Variants in SLC6A17 observed in about 807,000 individuals in gnomAD.
SLC6A17 encodes solute carrier family 6 member 17.
In SLC6A17, 21 loss-of-function variants were observed where a neutral mutation model predicts 64.5. The ratio of observed to expected loss-of-function variants is 0.33; its 90% CI spans 0.23 to 0.47. The LOEUF (loss-of-function observed/expected upper bound fraction) is 0.47, where lower values mean the gene tolerates loss of function less well. SLC6A17 is among the 20% of genes least tolerant of loss of function. SLC6A17 has a pLI of 1.00. For synonymous variants in SLC6A17, 372 were observed against 399.5 expected (o/e 0.93, Z 0.82); for missense variants, 682 against 963.2 (o/e 0.71, Z 3.86).
rs974881438 is a variant in SLC6A17 at position 110,200,556 on chromosome 1, T to C, written c.*2112T>C. 7.8e-5 allele frequency: 12 copies of C among 154,092 alleles called. 1 individual carries two copies. The highest frequency in any genetic ancestry group is 6.6e-3 in the Middle Eastern group (2 of 302). 9.5% of individuals were successfully genotyped at this position (154,092 alleles called of 1,614,324 possible). A position where few individuals can be genotyped will look rare whatever the true frequency, so the allele number is the denominator to read the frequency against. On this transcript the variant is annotated 3_prime_UTR_variant, in exon 12 of 12. Coordinates refer to ENST00000331565, the MANE Select transcript of SLC6A17 (RefSeq NM_001010898.4). ...CTGTTAAATGACAAACCCAATATTA[T>C]ACTGTGGCTGGTGGACTATTTTCAT...
chr1:110,192,571 A>G lies in SLC6A17; in HGVS notation c.1172A>G (p.His391Arg), dbSNP rs1209707679. 6.2e-7 allele frequency: 1 copy of G among 1,613,946 alleles called. No individual in the cohort carries two copies. Among genetic ancestry groups the G allele is most frequent in the Non-Finnish European group, 8.5e-7 (1 of 1,179,992 alleles). Reference sequence around the variant, plus strand: ...CTGAGCCGGGACCTCATCCCACCCCACGTCAACTTCTCCCACCTGACCACA... The same window carrying G: ...CTGAGCCGGGACCTCATCCCACCCCGCGTCAACTTCTCCCACCTGACCACA... ...NVLSRDLIPP[H>R]VNFSHLTTKD... Residue 391 changes from histidine (H) to arginine (R), a missense_variant, in exon 8 of 12, where the codon CAC becomes CGC. Transcript: ENST00000331565. The surrounding 1 kb of genome is among the most constrained non-coding windows in gnomAD (Gnocchi z 4.3).
intron 1 of SLC6A17, among the ~76,000 whole-genome samples, chr1:110,163,174 C>T (rs532249714): frequency 3.3e-5 from 5 of 152,112 alleles, no homozygotes; most frequent in East Asian, 1.9e-4. Flanking sequence ...CTGGTAGCTG[C>T]GGGACCTTTG....
intron 1 of SLC6A17, among the ~76,000 whole-genome samples, chr1:110,163,701 G>A (rs980946498): frequency 6.6e-6 from 1 of 152,174 alleles, no homozygotes; most frequent in African/African-American, 2.4e-5. Flanking sequence ...ACACAGCACA[G>A]CCGTGCTCCT....
rs779455193 is a variant in SLC6A17 at position 110,194,639 on chromosome 1, G to A, written c.1360G>A (p.Ala454Thr). The change falls in exon 9 of 12, where the codon GCC becomes ACC. Residue 454 changes from alanine to threonine, a missense_variant. Physicochemically the swap from Ala to Thr is moderately conservative, Grantham distance 58. Around this residue, in one of 3 missense-constraint regions of SLC6A17, gnomAD observed 415 missense variants for 603.8 expected, o/e 0.69. Coordinates refer to ENST00000331565, the MANE Select transcript of SLC6A17 (RefSeq NM_001010898.4). ...AFTEAMTHFP[A>T]SPFWSVMFFL... Reference sequence around the variant, plus strand: ...CACTGAGGCCATGACGCACTTCCCCGCCTCCCCGTTCTGGTCCGTCATGTT... The same window carrying A: ...CACTGAGGCCATGACGCACTTCCCCACCTCCCCGTTCTGGTCCGTCATGTT... 16 of 1,614,010 alleles carry A rather than the reference G, an allele frequency of 9.9e-6. No homozygotes were observed. Among genetic ancestry groups the A allele is most frequent in the Middle Eastern group, 1.6e-4 (1 of 6,084 alleles).
At chr1:110,159,840 G>T (rs112074502) in intron 1 of SLC6A17, among the ~76,000 whole-genome samples, 1 of 152,034 alleles carries the variant, frequency 6.6e-6, no homozygotes, top group African/African-American at 2.4e-5. Context: ...AAAACACATC[G>T]GACTCCAGGA....
intron 1 of SLC6A17, among the ~76,000 whole-genome samples, chr1:110,161,460 G>A (rs1655907004): frequency 6.6e-6 from 1 of 152,034 alleles, no homozygotes; most frequent in African/African-American, 2.4e-5. Context: ...TTTTAAGGAT[G>A]TGCTTGGCCA....
At chr1:110,184,093 A>T (rs1422925170) in intron 6 of SLC6A17, among the ~76,000 whole-genome samples, 2 of 152,128 alleles carry the variant, frequency 1.3e-5, no homozygotes, top group East Asian at 3.9e-4. Flanking sequence ...TGAGGCAATT[A>T]TACAAGCCTG....
At chr1:110,190,177 G>T (rs1395521821) in intron 6 of SLC6A17, among the ~76,000 whole-genome samples, 2 of 152,166 alleles carry the variant, frequency 1.3e-5, no homozygotes, top group Non-Finnish European at 2.9e-5. Flanking sequence ...GGGCTGGGGA[G>T]AGGGTCTCCT....
At chr1:110,154,536 A>G (rs560554999) in intron 1 of SLC6A17, among the ~76,000 whole-genome samples, 1 of 152,298 alleles carries the variant, frequency 6.6e-6, no homozygotes, top group South Asian at 2.1e-4. Context: ...GGAACATGGT[A>G]TTTGGCTCCA....
At chr1:110,181,474 C>T (rs766717101) in intron 6 of SLC6A17, among the ~76,000 whole-genome samples, 4 of 152,184 alleles carry the variant, frequency 2.6e-5, no homozygotes, top group African/African-American at 4.8e-5. Context: ...TGCACTGTTC[C>T]GAGTCACGGG....
chr1:110,190,273 C>G (rs1320859705), intron 6 of SLC6A17, among the ~76,000 whole-genome samples: 1 of 152,170 alleles, frequency 6.6e-6, no homozygotes, highest in African/African-American at 2.4e-5. Context: ...TTATTTTGTG[C>G]TGGATGGGGG....
chr1:110,195,722 G>A lies in SLC6A17; in HGVS notation c.1629G>A (p.Val543=). ...TCGTCATCCTTGAGAACATCGCTGTGGCCTGGATTTATGGAACCAAGAAGT... is the reference window on the plus strand; with the variant it reads ...TCGTCATCCTTGAGAACATCGCTGTAGCCTGGATTTATGGAACCAAGAAGT... ...TLIVILENIA[V]AWIYGTKKFM... Residue 543 remains valine (V), a synonymous_variant, in exon 10 of 12, where the codon GTG becomes GTA. Coordinates refer to ENST00000331565, the MANE Select transcript of SLC6A17 (RefSeq NM_001010898.4). 6.2e-7 allele frequency: 1 copy of A among 1,614,222 alleles called. No individual in the cohort carries two copies. The highest frequency in any genetic ancestry group is 8.5e-7 in the Non-Finnish European group (1 of 1,180,036).
chr1:110,159,193 C>T (rs1276981925), intron 1 of SLC6A17, among the ~76,000 whole-genome samples: 1 of 152,164 alleles, frequency 6.6e-6, no homozygotes, highest in Admixed American at 6.5e-5. Flanking sequence ...ATTATTACTA[C>T]ACCCCACTCT....
chr1:110,167,317 T>A, intron 2 of SLC6A17, 102 bp downstream of exon 2: 1 of 1,420,930 alleles, frequency 7.0e-7, no homozygotes, highest in Non-Finnish European at 9.4e-7. Flanking sequence ...GGAGCCCTTG[T>A]AGGTTGGAGC....
At position 110,192,488 on chromosome 1, in the gene SLC6A17, C is replaced by G; in HGVS notation, c.1107-18C>G. 1 of 1,604,068 alleles carries G rather than the reference C, an allele frequency of 6.2e-7. No individual in the cohort carries two copies. The highest frequency in any genetic ancestry group is 1.1e-5 in the South Asian group (1 of 88,830). On this transcript the variant is annotated intron_variant, in intron 7 of 11. Coordinates refer to ENST00000331565, the MANE Select transcript of SLC6A17 (RefSeq NM_001010898.4). The surrounding 1 kb of genome is among the most constrained non-coding windows in gnomAD (Gnocchi z 4.3). The stretch of plus-strand genomic sequence containing the variant: ...CACCCCTGCCTTCTTACCTGGTCCT[C>G]TCGGTTTTGTGCTGCAGGAATGCTG...
chr1:110,183,669 T>G (rs920336160), intron 6 of SLC6A17, among the ~76,000 whole-genome samples: 1 of 152,150 alleles, frequency 6.6e-6, no homozygotes, highest in Non-Finnish European at 1.5e-5. Flanking sequence ...AGGGAGAGAC[T>G]GCAGTGCTCA....
Position 110,166,861 on chromosome 1 carries a change from G to A in SLC6A17, c.-69G>A. 1 of 1,518,782 alleles carries A rather than the reference G, an allele frequency of 6.6e-7. No individual in the cohort carries two copies. The highest frequency in any genetic ancestry group is 1.3e-5 in the South Asian group (1 of 75,098). The allele number at this position is 1,518,782 out of a possible 1,614,324, so 94.1% of individuals were successfully genotyped here. A position where few individuals can be genotyped will look rare whatever the true frequency, so the allele number is the denominator to read the frequency against. On this transcript the variant is annotated 5_prime_UTR_variant, in exon 2 of 12. Transcript: ENST00000331565. Reference sequence around the variant, plus strand: ...TTCCTAGGTCCCTGAATGAGAAGGAGCTGACAGCAGCTGAATTCCATCTTC... The same window carrying A: ...TTCCTAGGTCCCTGAATGAGAAGGAACTGACAGCAGCTGAATTCCATCTTC...
At chr1:110,182,109 CTG>C (rs1485876220) in intron 6 of SLC6A17, among the ~76,000 whole-genome samples, 2 of 152,140 alleles carry the variant, frequency 1.3e-5, no homozygotes, top group East Asian at 3.8e-4. Context: ...TGAGAGATGA[CTG>C]GGGTTTGAGC....
intron 1 of SLC6A17, among the ~76,000 whole-genome samples, chr1:110,155,429 T>C (rs1304252380): frequency 2.0e-5 from 3 of 152,236 alleles, no homozygotes; most frequent in Non-Finnish European, 2.9e-5. Flanking sequence ...CTTACTCTCA[T>C]GTTCAGAACC....
Sources: allele counts gnomAD v4.1 joint callset (sites outside exome capture counted in the v4.1 genomes callset), GRCh38; gene constraint gnomAD v4.1.1; regional missense constraint gnomAD v4.1.1; non-coding constraint Gnocchi (gnomAD v3.1); transcripts MANE v1.5; gene names NCBI Gene and HGNC (gene_info 2026-07-23, HGNC 2026-07-21).